ACER3: variants seen among roughly 807,000 people sequenced by gnomAD.
ACER3 encodes the protein alkCDase 3.
ACER3 carries 16 observed loss-of-function variants against 48.9 expected under a neutral mutation model. The ratio of observed to expected loss-of-function variants is 0.33; its 90% CI spans 0.22 to 0.50. The LOEUF (loss-of-function observed/expected upper bound fraction) is 0.50, where lower values mean the gene tolerates loss of function less well. Ranked by LOEUF, ACER3 falls within the 20% of genes least tolerant of loss-of-function variation. The probability of loss-of-function intolerance (pLI) is 0.98; values close to 1 mark genes in which losing one functional copy is unlikely to be tolerated. For synonymous variants in ACER3, 109 were observed against 107.8 expected (o/e 1.01, Z -0.07); for missense variants, 227 against 326.0 (o/e 0.70, Z 2.34).
chr11:76,890,846 G>A (rs960275331), intron 1 of ACER3, among the ~76,000 whole-genome samples: 2 of 152,132 alleles, frequency 1.3e-5, no homozygotes, highest in African/African-American at 4.8e-5. Context: ...ATCACCGGGT[G>A]CGGTGGCTCA....
intron 1 of ACER3, among the ~76,000 whole-genome samples, chr11:76,866,097 A>T (rs986543109): frequency 2.0e-5 from 3 of 151,920 alleles, no homozygotes; most frequent in African/African-American, 7.3e-5. Flanking sequence ...AAGTGCTGGA[A>T]TTATAGGTGT....
At chr11:76,987,864 C>T (rs1386125086) in intron 5 of ACER3, among the ~76,000 whole-genome samples, 1 of 152,126 alleles carries the variant, frequency 6.6e-6, no homozygotes, top group East Asian at 1.9e-4. Context: ...TGCTTGAGCC[C>T]GAGAGGTCAA....
intron 2 of ACER3, among the ~76,000 whole-genome samples, chr11:76,938,499 T>A (rs1209964101): frequency 6.6e-6 from 1 of 152,032 alleles, no homozygotes. Context: ...ATTTATTTAT[T>A]GGTAGAAACA....
intron 2 of ACER3, among the ~76,000 whole-genome samples, chr11:76,952,577 A>G (rs1418559293): frequency 6.6e-6 from 1 of 151,244 alleles, no homozygotes; most frequent in African/African-American, 2.4e-5. Flanking sequence ...TTCTTTCAAC[A>G]TTTTTGTAAG....
intron 2 of ACER3, among the ~76,000 whole-genome samples, chr11:76,944,950 T>C (rs1348635783): frequency 6.6e-6 from 1 of 152,074 alleles, no homozygotes; most frequent in Non-Finnish European, 1.5e-5. Flanking sequence ...TCAAAAGACC[T>C]GTCTTCAAGT....
At chr11:76,950,523 G>A (rs141966710) in intron 2 of ACER3, among the ~76,000 whole-genome samples, 21 of 150,572 alleles carry the variant, frequency 1.4e-4, no homozygotes, top group African/African-American at 3.9e-4. Flanking sequence ...GAGCAGTGGC[G>A]CAATCATGGC....
chr11:77,023,368 T>C lies in ACER3; in HGVS notation c.*3041T>C, dbSNP rs910848326. 5.2e-6 allele frequency: 2 copies of C among 385,898 alleles called. No homozygotes were observed. Among genetic ancestry groups the C allele is most frequent in the Non-Finnish European group, 9.2e-6 (2 of 217,876 alleles). 23.9% of individuals were successfully genotyped at this position (385,898 alleles called of 1,614,324 possible). A position where few individuals can be genotyped will look rare whatever the true frequency, so the allele number is the denominator to read the frequency against. On this transcript the variant is annotated 3_prime_UTR_variant, in exon 11 of 11. Transcript: ENST00000532485. ...AAAATTAAGAGACAAAACCTTCAGG[T>C]ACATAATGCATGAAAATCTTTAAAT...
At chr11:76,967,812 A>G (rs1463789928) in intron 3 of ACER3, among the ~76,000 whole-genome samples, 1 of 152,218 alleles carries the variant, frequency 6.6e-6, no homozygotes, top group Non-Finnish European at 1.5e-5. Flanking sequence ...AGAGCTACTT[A>G]TGACAAACCC....
At chr11:76,959,628 C>T (rs1947933621) in intron 3 of ACER3, among the ~76,000 whole-genome samples, 1 of 152,068 alleles carries the variant, frequency 6.6e-6, no homozygotes, top group African/African-American at 2.4e-5. Context: ...TCTTGGCTCA[C>T]TGCAACCTCT....
At chr11:77,011,476 T>G in intron 7 of ACER3, 1 of 673,388 alleles carries the variant, frequency 1.5e-6, no homozygotes, top group Non-Finnish European at 1.8e-6. Flanking sequence ...AAGCCTTCAC[T>G]GTGTTGAGGC....
chr11:76,976,312 A>G lies in ACER3; in HGVS notation c.291A>G (p.Ile97Met). The G allele has an allele frequency of 6.2e-7, 1 of 1,606,140 alleles. No homozygotes were observed. The highest frequency in any genetic ancestry group is 8.5e-7 in the Non-Finnish European group (1 of 1,175,424). The change falls in exon 4 of 11, where the codon ATA becomes ATG. Residue 97 changes from isoleucine (I) to methionine (M), a missense_variant. Physicochemically the swap from Ile to Met is conservative, Grantham distance 10 (BLOSUM62 1). Transcript: ENST00000532485. ...AGCTATTGGATGAACTCCCAATGAT[A>G]TACAGCTGTTGCATATTTGTGTACT... ...EMQLLDELPM[I>M]YSCCIFVYCM...
intron 1 of ACER3, among the ~76,000 whole-genome samples, chr11:76,867,853 A>G (rs1337337763): frequency 1.3e-5 from 2 of 152,128 alleles, no homozygotes; most frequent in African/African-American, 4.8e-5. Context: ...GGTTCAAGCT[A>G]GGTATTGTTC....
intron 1 of ACER3, among the ~76,000 whole-genome samples, chr11:76,898,765 G>T (rs1406633915): frequency 1.3e-5 from 2 of 150,624 alleles, no homozygotes; most frequent in Non-Finnish European, 3.0e-5. Context: ...TTAACCGGGC[G>T]TAGTGGCGGG....
intron 1 of ACER3, among the ~76,000 whole-genome samples, chr11:76,865,894 G>C (rs906018998): frequency 1.4e-4 from 21 of 150,200 alleles, no homozygotes; most frequent in African/African-American, 5.2e-4. Context: ...TTGGCTCACT[G>C]CAACCTGTGC....
intron 2 of ACER3, among the ~76,000 whole-genome samples, chr11:76,934,431 A>G (rs1271706688): frequency 1.1e-4 from 17 of 152,246 alleles, no homozygotes; most frequent in Admixed American, 1.0e-3. Context: ...TCCGTCTGCA[A>G]TCCCGGCACC....
chr11:76,953,010 G>T (rs113265157), intron 2 of ACER3, among the ~76,000 whole-genome samples: 1 of 152,084 alleles, frequency 6.6e-6, no homozygotes, highest in Non-Finnish European at 1.5e-5. Flanking sequence ...CAGGTTGGGG[G>T]CAAGTGGGAT....
chr11:76,936,740 C>T (rs1436955015), intron 2 of ACER3, among the ~76,000 whole-genome samples: 2 of 141,356 alleles, frequency 1.4e-5, no homozygotes, highest in Non-Finnish European at 3.1e-5. Context: ...TTTTTTAAGA[C>T]AGAGTCTCGC....
intron 8 of ACER3, 23 bp from the exon 9 acceptor site, chr11:77,016,652 A>AT (rs782775790): frequency 7.0e-5 from 91 of 1,306,352 alleles, no homozygotes; most frequent in Non-Finnish European, 9.5e-5. Flanking sequence ...ATTTAACGTG[A>AT]TTTTCTCCCT....
intron 2 of ACER3, among the ~76,000 whole-genome samples, chr11:76,943,027 C>T (rs1416904217): frequency 1.3e-5 from 2 of 151,756 alleles, no homozygotes; most frequent in African/African-American, 4.8e-5. Flanking sequence ...TAATGTCTCC[C>T]TTTTCATTTC....
Sources: allele counts gnomAD v4.1 joint callset (sites outside exome capture counted in the v4.1 genomes callset), GRCh38; gene constraint gnomAD v4.1.1; transcripts MANE v1.5; gene names NCBI Gene and HGNC (gene_info 2026-07-23, HGNC 2026-07-21).